The following NME8 variants were observed in gnomAD, a reference collection of about 807,000 sequenced individuals.
The protein encoded by NME8 is protein NME8.
In NME8, 72 loss-of-function variants were observed where a neutral mutation model predicts 82.3. That is an observed-to-expected ratio of 0.87 (90% CI 0.72 to 1.06). NME8 has a LOEUF of 1.06. Among genes scored for constraint, NME8 ranks in the 50% least tolerant of loss-of-function variants. The pLI is 0.00. For missense variants in NME8, 712 were observed against 685.4 expected, an observed-to-expected ratio of 1.04 and a Z score of -0.43; for synonymous variants, 267 against 228.5, an observed-to-expected ratio of 1.17 and a Z score of -1.52.
chr7:37,867,736 G>T lies in NME8; in HGVS notation c.656G>T (p.Ser219Ile), dbSNP rs771393197. 6.2e-7 allele frequency: 1 copy of T among 1,613,510 alleles called. No homozygotes were observed. The highest frequency in any genetic ancestry group is 1.7e-5 in the Admixed American group (1 of 59,992). Residue 219 changes from serine to isoleucine, a missense_variant, in exon 11 of 18, where the codon AGT becomes ATT. Coordinates refer to ENST00000199447, the MANE Select transcript of NME8 (RefSeq NM_016616.5). ...GAAGAGTTTGTCTCTTTTATGACAA[G>T]TGGCTTAAGCTATATTCTAGTTGTA... ...DFEEFVSFMT[S>I]GLSYILVVSQ... is the part of the protein sequence containing the mutation.
At chr7:37,894,405 A>G (rs1785184316) in intron 15 of NME8, 61 bp from the exon 16 acceptor site, 1 of 1,512,904 alleles carries the variant, frequency 6.6e-7, no homozygotes, top group Non-Finnish European at 9.2e-7. Context: ...ATTTCAGTCT[A>G]CTTGAGTATG....
rs116651174 is a variant in NME8, at chr7:37,899,537, G to C, written c.*16-707G>C. Among the ~76,000 whole-genome samples, 386 of 152,162 alleles carry C rather than the reference G, an allele frequency of 2.5e-3. 1 individual carries two copies. The highest frequency in any genetic ancestry group is 9.0e-3 in the African/African-American group (372 of 41,500). ...ACTAGAGCCTGTCGGTGGGGGCTGG[G>C]GGAGGGAGAGCATCAGGAAGAATAG... is the stretch of plus-strand genomic sequence containing the variant. On this transcript the variant is annotated intron_variant, in intron 17 of 17. Coordinates refer to ENST00000199447, the MANE Select transcript of NME8 (RefSeq NM_016616.5).
chr7:37,873,833 C>A (rs984410854), intron 11 of NME8, among the ~76,000 whole-genome samples: 1 of 152,112 alleles, frequency 6.6e-6, no homozygotes, highest in African/African-American at 2.4e-5. Context: ...TGGTACATGG[C>A]GCTGATAAAA....
At chr7:37,883,700 G>C (rs933415216) in intron 12 of NME8, among the ~76,000 whole-genome samples, 2 of 152,178 alleles carry the variant, frequency 1.3e-5, no homozygotes, top group Non-Finnish European at 2.9e-5. Flanking sequence ...AGAGTCCCCA[G>C]TGTATTTCCT....
chr7:37,864,954 C>G (rs779824318), intron 9 of NME8, among the ~76,000 whole-genome samples: 1 of 152,174 alleles, frequency 6.6e-6, no homozygotes, highest in Non-Finnish European at 1.5e-5. Context: ...AATCACCTCC[C>G]ACTGGATTCC....
At chr7:37,865,015 G>A (rs941792194) in intron 9 of NME8, among the ~76,000 whole-genome samples, 1 of 152,112 alleles carries the variant, frequency 6.6e-6, no homozygotes. Context: ...GTGAGATTTC[G>A]ATAGGGACAG....
intron 11 of NME8, among the ~76,000 whole-genome samples, chr7:37,875,325 T>C (rs1784830683): frequency 6.6e-6 from 1 of 152,168 alleles, no homozygotes; most frequent in Non-Finnish European, 1.5e-5. Context: ...AATTTTGTAT[T>C]AATGTAATAT....
At chr7:37,850,827 C>G in intron 5 of NME8, 92 bp downstream of exon 5, 1 of 836,684 alleles carries the variant, frequency 1.2e-6, no homozygotes, top group Non-Finnish European at 2.0e-6. Context: ...TTAATTTAAA[C>G]AACCTGTCAG....
chr7:37,867,871 C>A lies in NME8; in HGVS notation c.791C>A (p.Pro264His). The A allele has an allele frequency of 6.2e-7, 1 of 1,613,758 alleles. No individual in the cohort carries two copies. The highest frequency in any genetic ancestry group is 8.5e-7 in the Non-Finnish European group (1 of 1,179,810). ...DQPEVEAQVTPGMMKNKQDSL... is the reference protein window; with the variant it reads ...DQPEVEAQVTHGMMKNKQDSL... ...CCTGAGGTCGAAGCCCAGGTTACAC[C>A]TGGAATGATGAAGAACAAACAAGAC... The change falls in exon 11 of 18, where the codon CCT becomes CAT. Residue 264 changes from proline to histidine, a missense_variant. Coordinates refer to ENST00000199447, the MANE Select transcript of NME8 (RefSeq NM_016616.5).
At chr7:37,885,124 C>G in intron 13 of NME8, 21 bp from the exon 14 acceptor site, 1 of 1,513,598 alleles carries the variant, frequency 6.6e-7, no homozygotes, top group Non-Finnish European at 9.2e-7. Flanking sequence ...ATTACCTCTT[C>G]TTTGTTTTCT....
intron 14 of NME8, among the ~76,000 whole-genome samples, chr7:37,886,637 C>T (rs572611843): frequency 2.0e-5 from 3 of 152,260 alleles, no homozygotes; most frequent in South Asian, 2.1e-4. Context: ...AATTCCTCCC[C>T]GGACATTTTC....
Position 37,897,054 on chromosome 7 carries a change from G to A in NME8, c.1729G>A (p.Val577Ile), listed in dbSNP as rs770045061. 8.5e-5 allele frequency: 137 copies of A among 1,613,512 alleles called. No homozygotes were observed. The highest frequency in any genetic ancestry group is 1.0e-4 in the Non-Finnish European group (123 of 1,179,628). Residue 577 changes from valine (V) to isoleucine (I), a missense_variant, in exon 17 of 18, where the codon GTT becomes ATT. Coordinates refer to ENST00000199447, the MANE Select transcript of NME8 (RefSeq NM_016616.5). Reference protein sequence around the residue: ...GASNAYEAKEVVNRLFEDPEE... With the variant: ...GASNAYEAKEIVNRLFEDPEE... ...ATCTAACGCCTATGAAGCAAAAGAG[G>A]TTGTTAATAGACTCTTTGAGGATCC...
chr7:37,889,328 T>C (rs1785093748), intron 15 of NME8, among the ~76,000 whole-genome samples: 1 of 145,594 alleles, frequency 6.9e-6, no homozygotes, highest in South Asian at 2.1e-4. Flanking sequence ...ATGAGTTCTA[T>C]TTTTTTCTCT....
intron 12 of NME8, among the ~76,000 whole-genome samples, chr7:37,882,598 AG>A (rs1472972412): frequency 0.029 from 528 of 18,176 alleles, 4 homozygotes; most frequent in Non-Finnish European, 0.04. Context: ...AAAGAAAGAA[AG>A]AGAGAGAGAG....
intron 12 of NME8, among the ~76,000 whole-genome samples, chr7:37,883,518 G>C (rs527263413): frequency 6.6e-6 from 1 of 151,990 alleles, no homozygotes; most frequent in Non-Finnish European, 1.5e-5. Flanking sequence ...TTTTGGCCTC[G>C]ATAAGGAGCT....
chr7:37,893,890 A>G (rs1248740229), intron 15 of NME8, among the ~76,000 whole-genome samples: 1 of 152,072 alleles, frequency 6.6e-6, no homozygotes, highest in East Asian at 1.9e-4. Context: ...GGTTATAATC[A>G]TATTGCCTTT....
chr7:37,887,841 G>C (rs1226381899), intron 14 of NME8, among the ~76,000 whole-genome samples: 26 of 152,274 alleles, frequency 1.7e-4, no homozygotes, highest in Non-Finnish European at 4.4e-5. Context: ...GTAATACCAG[G>C]TGCTTGTAAA....
At chr7:37,855,993 C>T (rs1784506449) in intron 5 of NME8, among the ~76,000 whole-genome samples, 1 of 151,870 alleles carries the variant, frequency 6.6e-6, no homozygotes. Context: ...AAATGGTGGG[C>T]AACTTCAGCT....
chr7:37,875,753 C>T (rs1382627266), intron 11 of NME8, among the ~76,000 whole-genome samples: 3 of 151,688 alleles, frequency 2.0e-5, no homozygotes, highest in South Asian at 2.1e-4. Context: ...TATGACAATA[C>T]GGCACCCAAA....
Sources: allele counts gnomAD v4.1 joint callset (sites outside exome capture counted in the v4.1 genomes callset), GRCh38; gene constraint gnomAD v4.1.1; transcripts MANE v1.5; gene names NCBI Gene and HGNC (gene_info 2026-07-23, HGNC 2026-07-21).